Variants in FAM135B observed in about 807,000 individuals in gnomAD.
FAM135B encodes the protein protein FAM135B.
In FAM135B, 43 loss-of-function variants were observed where a neutral mutation model predicts 127.7. That is an observed-to-expected ratio of 0.34 (90% confidence interval 0.26 to 0.43). The LOEUF is 0.43. Ranked by LOEUF, FAM135B falls within the 20% of genes least tolerant of loss-of-function variation. FAM135B has a pLI of 1.00. For missense variants in FAM135B, 1,558 were observed against 1,725.6 expected (o/e 0.90, Z 1.72); for synonymous variants, 670 against 665.1 (o/e 1.01, Z -0.11).
chr8:138,380,163 G>A (rs1219418365), intron 1 of FAM135B, among the ~76,000 whole-genome samples: 1 of 151,954 alleles, frequency 6.6e-6, no homozygotes, highest in African/African-American at 2.4e-5. Context: ...AGCACCATAT[G>A]GGTTTCTTTC....
Position 138,310,827 on chromosome 8 carries a change from A to G in FAM135B, c.157+14T>C. 1 of 1,612,278 alleles carries G rather than the reference A, an allele frequency of 6.2e-7. No individual in the cohort carries two copies. Among genetic ancestry groups the G allele is most frequent in the Non-Finnish European group, 8.5e-7 (1 of 1,179,576 alleles). ...CATTGGGGGCAAGTGCCCCATTGCC[A>G]TTCTTCTGCTCACCTGTCTGCCCAG... On this transcript the variant is annotated intron_variant, in intron 3 of 19. Coordinates refer to ENST00000395297, the MANE Select transcript of FAM135B (RefSeq NM_015912.4).
At chr8:138,202,417 T>C (rs1415874857) in intron 7 of FAM135B, among the ~76,000 whole-genome samples, 1 of 152,102 alleles carries the variant, frequency 6.6e-6, no homozygotes, top group Non-Finnish European at 1.5e-5. Context: ...ACTTGGCTAA[T>C]GTTTTAATTT....
chr8:138,488,627 C>T (rs575401031), intron 1 of FAM135B, among the ~76,000 whole-genome samples: 13 of 151,922 alleles, frequency 8.6e-5, no homozygotes, highest in African/African-American at 2.9e-4. Context: ...AGATAGTGTG[C>T]GTTTTTGTTT....
intron 8 of FAM135B, among the ~76,000 whole-genome samples, chr8:138,196,607 C>A (rs767947993): frequency 6.6e-6 from 1 of 152,222 alleles, no homozygotes; most frequent in Admixed American, 6.5e-5. Flanking sequence ...GTCAAAACCA[C>A]AGTTATCTCA....
At chr8:138,434,880 C>T (rs1256734102) in intron 1 of FAM135B, among the ~76,000 whole-genome samples, 1 of 152,200 alleles carries the variant, frequency 6.6e-6, no homozygotes, top group Non-Finnish European at 1.5e-5. Flanking sequence ...TTGGACACCT[C>T]TCAGCTCCAG....
chr8:138,333,859 T>C (rs1251304362), intron 2 of FAM135B, among the ~76,000 whole-genome samples: 1 of 152,198 alleles, frequency 6.6e-6, no homozygotes. Context: ...AATGAGTGCA[T>C]GATCCATTTT....
At chr8:138,410,544 C>T (rs1016999643) in intron 1 of FAM135B, among the ~76,000 whole-genome samples, 3 of 152,136 alleles carry the variant, frequency 2.0e-5, no homozygotes, top group Non-Finnish European at 4.4e-5. Context: ...TGCTCAACAT[C>T]GCTAATCATC....
chr8:138,172,411 C>T (rs1055769118), intron 11 of FAM135B, among the ~76,000 whole-genome samples: 8 of 152,194 alleles, frequency 5.3e-5, no homozygotes, highest in African/African-American at 1.9e-4. Context: ...ATGCACTGTC[C>T]TCCTGGGCTG....
In FAM135B at chr8:138,138,869, G is replaced by A. The variant is rs1375227391; in HGVS notation, c.3901+117C>T. ...GAGCCAAAGAGGCTTTGAGTGCTGG[G>A]CCTCCTGACTAGGCCCTTCTGTGAG... is the stretch of plus-strand genomic sequence containing the variant. On this transcript the variant is annotated intron_variant, in intron 18 of 19. Coordinates refer to ENST00000395297, the MANE Select transcript of FAM135B (RefSeq NM_015912.4). 2.2e-5 allele frequency: 15 copies of A among 680,340 alleles called. No individual in the cohort carries two copies. In the East Asian group the frequency reaches 3.8e-4, roughly 17 times the overall value. The allele number at this position is 680,340 out of a possible 1,614,324, so 42.1% of individuals were successfully genotyped here.
chr8:138,173,772 T>C (rs1436614406), intron 11 of FAM135B, among the ~76,000 whole-genome samples: 1 of 152,220 alleles, frequency 6.6e-6, no homozygotes, highest in Non-Finnish European at 1.5e-5. Flanking sequence ...GATATCTCAT[T>C]ACTATTGTTA....
chr8:138,167,089 G>A (rs1220117601), intron 12 of FAM135B, among the ~76,000 whole-genome samples: 1 of 152,002 alleles, frequency 6.6e-6, no homozygotes, highest in Non-Finnish European at 1.5e-5. Flanking sequence ...TAGACCATGG[G>A]GGGAAATCAA....
chr8:138,239,119 G>A (rs1002289273), intron 7 of FAM135B, among the ~76,000 whole-genome samples: 1 of 152,158 alleles, frequency 6.6e-6, no homozygotes, highest in South Asian at 2.1e-4. Context: ...ATCCTCCCTA[G>A]AAGGTAGATG....
At chr8:138,449,266 G>A (rs1036159612) in intron 1 of FAM135B, among the ~76,000 whole-genome samples, 1 of 152,138 alleles carries the variant, frequency 6.6e-6, no homozygotes, top group Non-Finnish European at 1.5e-5. Flanking sequence ...GCTGCTAAGA[G>A]AGCTTGTGCT....
intron 2 of FAM135B, among the ~76,000 whole-genome samples, chr8:138,350,171 A>C (rs1457327037): frequency 6.6e-6 from 1 of 152,140 alleles, no homozygotes; most frequent in Non-Finnish European, 1.5e-5. Context: ...TTGTGTACTC[A>C]TCTGAGAAGT....
intron 7 of FAM135B, among the ~76,000 whole-genome samples, chr8:138,214,294 G>T (rs890552260): frequency 4.6e-5 from 7 of 152,150 alleles, no homozygotes; most frequent in Admixed American, 1.3e-4. Context: ...GTGTTACTAT[G>T]AATAGCCATA....
intron 9 of FAM135B, among the ~76,000 whole-genome samples, chr8:138,188,455 A>T (rs1815785099): frequency 6.6e-6 from 1 of 152,166 alleles, no homozygotes; most frequent in African/African-American, 2.4e-5. Flanking sequence ...CTCATGTCAG[A>T]GAGTTGGCAA....
intron 7 of FAM135B, among the ~76,000 whole-genome samples, chr8:138,208,963 A>G (rs1408095794): frequency 6.6e-6 from 1 of 152,234 alleles, no homozygotes; most frequent in African/African-American, 2.4e-5. Context: ...CTTAATACCT[A>G]TGATACATGT....
chr8:138,177,227 A>T (rs981867147), intron 11 of FAM135B, 120 bp downstream of exon 11: 1 of 838,910 alleles, frequency 1.2e-6, no homozygotes, highest in Non-Finnish European at 1.8e-6. Flanking sequence ...GCAGACAGAA[A>T]GTGCAGAGGT....
chr8:138,218,461 T>C (rs10505696), intron 7 of FAM135B, among the ~76,000 whole-genome samples: 99,925 of 151,992 alleles, frequency 0.66, 33,186 homozygotes, highest in South Asian at 0.75. Flanking sequence ...TTCAGAATTA[T>C]AGACATGGGT....
Sources: allele counts gnomAD v4.1 joint callset (sites outside exome capture counted in the v4.1 genomes callset), GRCh38; gene constraint gnomAD v4.1.1; transcripts MANE v1.5; gene names NCBI Gene and HGNC (gene_info 2026-07-23, HGNC 2026-07-21).